CIITA: variants seen among roughly 807,000 people sequenced by gnomAD.
CIITA encodes the protein MHC class II transactivator.
CIITA carries 72 observed loss-of-function variants against 115.1 expected under a neutral mutation model. The ratio of observed to expected loss-of-function variants is 0.63; its 90% CI spans 0.52 to 0.76. The LOEUF is 0.76. Ranked by LOEUF, CIITA falls within the 30% of genes least tolerant of loss-of-function variation. CIITA has a pLI of 0.00. For synonymous variants in CIITA, 763 were observed against 635.6 expected, an observed-to-expected ratio of 1.20 and a Z score of -3.02; for missense variants, 1,617 against 1,463.8, an observed-to-expected ratio of 1.10 and a Z score of -1.71.
At position 10,932,160 on chromosome 16, in the gene CIITA, A is replaced by G. The variant is rs1396079784; in HGVS notation, c.*8305A>G. ...AGGTTTCTATGTGTAGGGCGGGAGGATGTTCTGGGACACAGTTCAATTCTC... is the reference window on the plus strand; with the variant it reads ...AGGTTTCTATGTGTAGGGCGGGAGGGTGTTCTGGGACACAGTTCAATTCTC... On this transcript the variant is annotated 3_prime_UTR_variant, in exon 20 of 20. Transcript: ENST00000324288. 1 of 152,036 alleles carries G rather than the reference A, an allele frequency of 6.6e-6. No individual in the cohort carries two copies. Among genetic ancestry groups the G allele is most frequent in the Non-Finnish European group, 1.5e-5 (1 of 68,016 alleles). The allele number at this position is 152,036 out of a possible 1,614,324, so 9.4% of individuals were successfully genotyped here.
At position 10,941,788 on chromosome 16, in the gene CIITA, A is replaced by G; in HGVS notation, n.914A>G. The G allele has an allele frequency of 6.2e-7, 1 of 1,613,672 alleles. No homozygotes were observed. The highest frequency in any genetic ancestry group is 8.5e-7 in the Non-Finnish European group (1 of 1,179,838). On this transcript the variant is annotated non_coding_transcript_exon_variant, in exon 2 of 2. Transcript: ENST00000573379. This position sits in a 1 kb window ranked among gnomAD's most constrained non-coding sequence, Gnocchi z 6.4. ...GTAAAGGCCCGAGCCGGGGTCGGAG[A>G]GCACGCCGAGGTCCACGAGCGCCTG...
rs1232121072 is a variant in CIITA, at chr16:10,931,686, TG to T, written c.*7833del. ...TGGCGAAATGAGGTCAAGACTAGCC[TG>T]GCCAACATGGCGAAACCGCGTCTCT... On this transcript the variant is annotated 3_prime_UTR_variant, in exon 20 of 20. Transcript: ENST00000324288. 6.6e-6 allele frequency: 1 copy of T among 152,212 alleles called. No individual in the cohort carries two copies. The highest frequency in any genetic ancestry group is 1.9e-4 in the East Asian group (1 of 5,194). The allele number at this position is 152,212 out of a possible 1,614,324, so 9.4% of individuals were successfully genotyped here.
In CIITA at chr16:10,941,876, C is replaced by T. The variant is rs1384361889; in HGVS notation, n.1002C>T. The stretch of plus-strand genomic sequence containing the variant: ...AGGACGATGTACTCCATGAGGAAGG[C>T]GTAGTACAGGATCAGCACATTGACG... On this transcript the variant is annotated non_coding_transcript_exon_variant, in exon 2 of 2. Transcript: ENST00000573379. This position sits in a 1 kb window ranked among gnomAD's most constrained non-coding sequence, Gnocchi z 6.4. 5 of 1,611,952 alleles carry T rather than the reference C, an allele frequency of 3.1e-6. No homozygotes were observed. Among genetic ancestry groups the T allele is most frequent in the South Asian group, 1.1e-5 (1 of 90,956 alleles).
Position 10,930,674 on chromosome 16 carries a change from C to G in CIITA, c.*6819C>G, listed in dbSNP as rs2040747518. The G allele has an allele frequency of 6.6e-6, 1 of 152,206 alleles. No homozygotes were observed. Among genetic ancestry groups the G allele is most frequent in the Non-Finnish European group, 1.5e-5 (1 of 68,052 alleles). 9.4% of individuals were successfully genotyped at this position (152,206 alleles called of 1,614,324 possible). On this transcript the variant is annotated 3_prime_UTR_variant, in exon 20 of 20. Coordinates refer to ENST00000324288, the MANE Select transcript of CIITA (RefSeq NM_000246.4). ...GTCTGAATGAGAGCAGGTACCATTT[C>G]CTGAGCTCTTAGCAGACGCTGAGGA... is the stretch of plus-strand genomic sequence containing the variant.
chr16:10,935,308 T>C lies in CIITA; in HGVS notation c.*11453T>C, dbSNP rs2040981468. The stretch of plus-strand genomic sequence containing the variant: ...AGTTTTTGGTCAATCCTTATGATTA[T>C]TTAGAGGAGAAAGTTCAGTTTGGTG... On this transcript the variant is annotated 3_prime_UTR_variant, in exon 20 of 20. Coordinates refer to ENST00000324288, the MANE Select transcript of CIITA (RefSeq NM_000246.4). The C allele has an allele frequency of 6.6e-6, 1 of 152,232 alleles. No individual in the cohort carries two copies. The highest frequency in any genetic ancestry group is 2.1e-4 in the South Asian group (1 of 4,834). The allele number at this position is 152,232 out of a possible 1,614,324, so 9.4% of individuals were successfully genotyped here.
rs564976179 is a variant in CIITA, at chr16:10,900,066, G to A, written c.436+1064G>A. ...ACTGCACTCCAGCCTGGGTGGCAGA[G>A]TAAGACTCTGTCTCAAACAACAACA... On this transcript the variant is annotated intron_variant, in intron 5 of 19. Transcript: ENST00000324288. Among the ~76,000 whole-genome samples the A allele has an allele frequency of 1.4e-3, 208 of 152,202 alleles. 1 individual carries two copies. The highest frequency in any genetic ancestry group is 0.01 in the Middle Eastern group (3 of 294).
chr16:10,908,067 T>C lies in CIITA; in HGVS notation c.2575T>C (p.Phe859Leu). 1 of 1,612,842 alleles carries C rather than the reference T, an allele frequency of 6.2e-7. No homozygotes were observed. Among genetic ancestry groups the C allele is most frequent in the Non-Finnish European group, 8.5e-7 (1 of 1,179,484 alleles). Residue 859 changes from phenylalanine to leucine, a missense_variant, in exon 11 of 20, where the codon TTC becomes CTC. Coordinates refer to ENST00000324288, the MANE Select transcript of CIITA (RefSeq NM_000246.4). ...GGCCTTGGAGGCGGCGGGCCAAGAC[T>C]TCTCCCTGGACCTCCGCAGCACTGG... Reference protein sequence around the residue: ...GKALEAAGQDFSLDLRSTGIC... With the variant: ...GKALEAAGQDLSLDLRSTGIC...
At chr16:10,915,389 A>T (rs1268333982) in intron 13 of CIITA, among the ~76,000 whole-genome samples, 181 bp from the exon 14 acceptor site, 1 of 152,090 alleles carries the variant, frequency 6.6e-6, no homozygotes, top group East Asian at 1.9e-4. Context: ...ATCTACCCCA[A>T]GCAGAAAAGA....
rs760765808 is a variant in CIITA at position 10,908,125 on chromosome 16, G to A, written c.2633G>A (p.Gly878Glu). The change falls in exon 11 of 20, where the codon GGA becomes GAA. Residue 878 changes from glycine (G) to glutamate (E), a missense_variant. By Grantham distance (98) the Gly-to-Glu change is moderately conservative. Transcript: ENST00000324288. ...ICPSGLGSLV[G>E]LSCVTRFRAA... is the part of the protein sequence containing the mutation. ...CCCTCTGGATTGGGGAGCCTCGTGGGACTCAGCTGTGTCACCCGTTTCAGG... is the reference window on the plus strand; with the variant it reads ...CCCTCTGGATTGGGGAGCCTCGTGGAACTCAGCTGTGTCACCCGTTTCAGG... 2 of 1,578,706 alleles carry A rather than the reference G, an allele frequency of 1.3e-6. No homozygotes were observed. The highest frequency in any genetic ancestry group is 1.8e-5 in the Admixed American group (1 of 54,096).
In CIITA at chr16:10,877,446, T is replaced by C. The variant is rs8057861; in HGVS notation, c.52+64T>C. 5.9e-3 allele frequency: 8,943 copies of C among 1,523,112 alleles called. 466 individuals carry two copies. The African/African-American group carries it at 0.11, about 19-fold the overall frequency. 94.3% of individuals were successfully genotyped at this position (1,523,112 alleles called of 1,614,324 possible). On this transcript the variant is annotated intron_variant, in intron 1 of 19. Transcript: ENST00000324288. ...TCTCAGCTGGTCCTGCCATTCCAGATAAACAGAGAAACCATTCTGAATTGG... is the reference window on the plus strand; with the variant it reads ...TCTCAGCTGGTCCTGCCATTCCAGACAAACAGAGAAACCATTCTGAATTGG...
intron 1 of CIITA, among the ~76,000 whole-genome samples, chr16:10,891,850 T>A (rs946954570): frequency 2.0e-5 from 3 of 152,202 alleles, no homozygotes; most frequent in African/African-American, 7.2e-5. Context: ...TAGTCATGGT[T>A]GGCTGGGATC....
rs905410108 is a variant in CIITA at position 10,927,144 on chromosome 16, G to A, written c.*3289G>A. 2 of 152,230 alleles carry A rather than the reference G, an allele frequency of 1.3e-5. No individual in the cohort carries two copies. The highest frequency in any genetic ancestry group is 2.9e-5 in the Non-Finnish European group (2 of 68,052). The allele number at this position is 152,230 out of a possible 1,614,324, so 9.4% of individuals were successfully genotyped here. A position where few individuals can be genotyped will look rare whatever the true frequency, so the allele number is the denominator to read the frequency against. ...GTGGTGAGCTAATACGTTAAGAATT[G>A]GAGCTCAATAACATGTTGGCTGTCA... On this transcript the variant is annotated 3_prime_UTR_variant, in exon 20 of 20. Transcript: ENST00000324288.
Position 10,903,802 on chromosome 16 carries a change from G to T in CIITA, c.844G>T (p.Asp282Tyr). Residue 282 changes from aspartate to tyrosine, a missense_variant, in exon 9 of 20, where the codon GAC becomes TAC. Asp to Tyr is a radical substitution (Grantham distance 160, BLOSUM62 -3). Transcript: ENST00000324288. ...TGTCCACGGCCTCCCAACATCTCCA[G>T]ACCGGCCAGGCTCCACCAGCCCCTT... ...FTVHGLPTSP[D>Y]RPGSTSPFAP... 6.2e-7 allele frequency: 1 copy of T among 1,614,132 alleles called. No homozygotes were observed. Among genetic ancestry groups the T allele is most frequent in the Non-Finnish European group, 8.5e-7 (1 of 1,180,034 alleles).
At chr16:10,906,382 C>A (rs1022219803) in intron 10 of CIITA, 117 bp from the exon 11 acceptor site, 13 of 1,273,806 alleles carry the variant, frequency 1.0e-5, no homozygotes, top group South Asian at 8.8e-5. Context: ...AACAAACAAA[C>A]AAAAAAACTG....
At position 10,922,048 on chromosome 16, in the gene CIITA, G is replaced by T. The variant is rs2040299165; in HGVS notation, c.3150-119G>T. On this transcript the variant is annotated intron_variant, in intron 16 of 19. Transcript: ENST00000324288. ...CAGGCTCTGTTGTGCAATAAATATT[G>T]ATTCCTTCCCCCAGGGATAGTGGGA... The T allele has an allele frequency of 5.8e-6, 5 of 863,332 alleles. No individual in the cohort carries two copies. In the East Asian group the frequency reaches 7.3e-5, roughly 13 times the overall value. 53.5% of individuals were successfully genotyped at this position (863,332 alleles called of 1,614,324 possible).
At position 10,929,214 on chromosome 16, in the gene CIITA, C is replaced by CA; in HGVS notation, c.*5360dup. 1.0e-6 allele frequency: 1 copy of CA among 985,728 alleles called. No homozygotes were observed. Among genetic ancestry groups the CA allele is most frequent in the East Asian group, 1.1e-4 (1 of 8,824 alleles). 61.1% of individuals were successfully genotyped at this position (985,728 alleles called of 1,614,324 possible). ...ACCCAGCTGGCCTGAAGGCTCAACTCACATCAAACGGAGCTGGGAGTCGCT... is the reference window on the plus strand; with the variant it reads ...ACCCAGCTGGCCTGAAGGCTCAACTCAACATCAAACGGAGCTGGGAGTCGCT... On this transcript the variant is annotated 3_prime_UTR_variant, in exon 20 of 20. Coordinates refer to ENST00000324288, the MANE Select transcript of CIITA (RefSeq NM_000246.4). This position sits in a 1 kb window ranked among gnomAD's most constrained non-coding sequence, Gnocchi z 4.3.
In CIITA at chr16:10,935,795, C is replaced by A. The variant is rs937156241; in HGVS notation, c.*11940C>A. The A allele has an allele frequency of 8.5e-5, 13 of 152,122 alleles. No homozygotes were observed. Among genetic ancestry groups the A allele is most frequent in the African/African-American group, 2.7e-4 (11 of 41,404 alleles). 9.4% of individuals were successfully genotyped at this position (152,122 alleles called of 1,614,324 possible). ...ATCTCGAGTATAACCATCAGACAAACCCAAATTGAGAGACAGTTTACAAAA... is the reference window on the plus strand; with the variant it reads ...ATCTCGAGTATAACCATCAGACAAAACCAAATTGAGAGACAGTTTACAAAA... On this transcript the variant is annotated 3_prime_UTR_variant, in exon 20 of 20. Transcript: ENST00000324288.
chr16:10,895,776 C>T lies in CIITA; in HGVS notation c.295+12C>T, dbSNP rs757888829. 6.2e-7 allele frequency: 1 copy of T among 1,613,544 alleles called. No homozygotes were observed. The highest frequency in any genetic ancestry group is 1.1e-5 in the South Asian group (1 of 91,046). The stretch of plus-strand genomic sequence containing the variant: ...TTATGCCAATATCGGTGAGGAAGCA[C>T]CTGAGCCCAGAAAAGGACAATCAAG... On this transcript the variant is annotated intron_variant, in intron 3 of 19. Transcript: ENST00000324288.
Position 10,922,441 on chromosome 16 carries a change from C to G in CIITA, c.3268C>G (p.Gln1090Glu). 6.2e-7 allele frequency: 1 copy of G among 1,614,214 alleles called. No homozygotes were observed. Among genetic ancestry groups the G allele is most frequent in the Non-Finnish European group, 8.5e-7 (1 of 1,180,030 alleles). Residue 1090 changes from glutamine (Q) to glutamate (E), a missense_variant, in exon 18 of 20, where the codon CAG (glutamine) becomes GAG (glutamate). By Grantham distance (29) the Gln-to-Glu change is conservative. Transcript: ENST00000324288. ...QYNKFTAAGA[Q>E]QLAASLRRCP... ...CAACAAGTTCACGGCTGCCGGGGCC[C>G]AGCAGCTCGCTGCCAGCCTTCGGAG...
Sources: allele counts gnomAD v4.1 joint callset (sites outside exome capture counted in the v4.1 genomes callset), GRCh38; gene constraint gnomAD v4.1.1; non-coding constraint Gnocchi (gnomAD v3.1); transcripts MANE v1.5; gene names NCBI Gene and HGNC (gene_info 2026-07-23, HGNC 2026-07-21).